PPP3R1: variants seen among roughly 807,000 people sequenced by gnomAD.
PPP3R1 encodes calcineurin subunit B type 1.
A neutral mutation model predicts 22.6 loss-of-function variants in PPP3R1; 5 were observed. The observed-to-expected ratio is 0.22, with a 90% CI of 0.12 to 0.46. PPP3R1 has a LOEUF of 0.46. Among genes scored for constraint, PPP3R1 ranks in the 20% least tolerant of loss-of-function variants. PPP3R1 has a pLI of 0.99. For synonymous variants in PPP3R1, 56 were observed against 65.2 expected (o/e 0.86, Z 0.68); for missense variants, 61 against 203.2 (o/e 0.30, Z 4.25).
intron 1 of PPP3R1, among the ~76,000 whole-genome samples, chr2:68,231,969 T>A (rs1306995467): frequency 6.6e-6 from 1 of 151,274 alleles, no homozygotes; most frequent in East Asian, 2.0e-4. Flanking sequence ...AATCTTAAGA[T>A]CTTATTTAGG....
At position 68,251,919 on chromosome 2, in the gene PPP3R1, C is replaced by G. The variant is rs1193605224; in HGVS notation, c.3+206G>C. Among the ~76,000 whole-genome samples the G allele has an allele frequency of 8.2e-4, 119 of 144,682 alleles. 2 individuals carry two copies. Among genetic ancestry groups the G allele is most frequent in the Non-Finnish European group, 1.1e-3 (73 of 65,428 alleles). 94.9% of individuals were successfully genotyped at this position (144,682 alleles called of 152,430 possible). A position where few individuals can be genotyped will look rare whatever the true frequency, so the allele number is the denominator to read the frequency against. ...GCGCCCCGCAGAGGCCGGGGGCGGGCGCGGGGGCCCCGCCGCCGTCCTGTC... is the reference window on the plus strand; with the variant it reads ...GCGCCCCGCAGAGGCCGGGGGCGGGGGCGGGGGCCCCGCCGCCGTCCTGTC... On this transcript the variant is annotated intron_variant, in intron 1 of 5. Coordinates refer to ENST00000234310, the MANE Select transcript of PPP3R1 (RefSeq NM_000945.4).
intron 1 of PPP3R1, among the ~76,000 whole-genome samples, chr2:68,244,025 T>C (rs1318502517): frequency 6.6e-6 from 1 of 152,200 alleles, no homozygotes; most frequent in Middle Eastern, 3.2e-3. Context: ...GATCTTTCAA[T>C]ATCATTTGAA....
chr2:68,192,403 T>C (rs890879981), intron 2 of PPP3R1, among the ~76,000 whole-genome samples: 3 of 152,188 alleles, frequency 2.0e-5, no homozygotes, highest in African/African-American at 7.2e-5. Flanking sequence ...TCATTTCTTC[T>C]AGGCTGTATG....
At chr2:68,188,719 A>G in intron 2 of PPP3R1, 29 bp from the exon 3 acceptor site, 3 of 1,535,324 alleles carry the variant, frequency 2.0e-6, no homozygotes, top group South Asian at 2.5e-5. Flanking sequence ...GGAAGCAAGA[A>G]TTTTTTAAAA....
intron 5 of PPP3R1, among the ~76,000 whole-genome samples, chr2:68,181,926 T>C (rs1201892724): frequency 6.6e-6 from 1 of 152,174 alleles, no homozygotes; most frequent in African/African-American, 2.4e-5. Context: ...ATCTGTATCA[T>C]TTGGGGGGAA....
intron 1 of PPP3R1, among the ~76,000 whole-genome samples, chr2:68,244,579 C>T (rs1357223200): frequency 6.6e-6 from 1 of 151,946 alleles, no homozygotes; most frequent in Admixed American, 6.6e-5. Context: ...CTATCCTTTC[C>T]TTTTATCCTC....
At chr2:68,225,275 A>G (rs1669761490) in intron 1 of PPP3R1, among the ~76,000 whole-genome samples, 1 of 152,202 alleles carries the variant, frequency 6.6e-6, no homozygotes, top group Admixed American at 6.5e-5. Context: ...GCCCTTTAAA[A>G]GCAATTTTCC....
At chr2:68,216,086 A>G (rs1212985997) in intron 2 of PPP3R1, among the ~76,000 whole-genome samples, 1 of 152,162 alleles carries the variant, frequency 6.6e-6, no homozygotes, top group Non-Finnish European at 1.5e-5. Flanking sequence ...TGTATTTTTT[A>G]AAGGGATGGC....
At chr2:68,206,567 T>G (rs1675129011) in intron 2 of PPP3R1, among the ~76,000 whole-genome samples, 1 of 152,218 alleles carries the variant, frequency 6.6e-6, no homozygotes, top group African/African-American at 2.4e-5. Context: ...GAGAAATAAC[T>G]ACACAGGTCA....
At chr2:68,228,406 GGT>G (rs900600016) in intron 1 of PPP3R1, among the ~76,000 whole-genome samples, 11 of 152,114 alleles carry the variant, frequency 7.2e-5, no homozygotes, top group African/African-American at 2.7e-4. Context: ...CACTGGAAGA[GGT>G]GTGATAGTTT....
chr2:68,181,049 G>A (rs368218282), intron 5 of PPP3R1, 39 bp from the exon 6 acceptor site: 1 of 1,581,018 alleles, frequency 6.3e-7, no homozygotes, highest in Non-Finnish European at 8.7e-7. Flanking sequence ...CACAGTGTCT[G>A]AGAAACTCCT....
intron 2 of PPP3R1, among the ~76,000 whole-genome samples, chr2:68,212,994 C>G (rs1426330435): frequency 1.3e-5 from 2 of 152,204 alleles, no homozygotes; most frequent in East Asian, 3.8e-4. Flanking sequence ...TGCAGCTTCC[C>G]CATCTCTCTC....
chr2:68,207,658 A>T (rs1010843905), intron 2 of PPP3R1, among the ~76,000 whole-genome samples: 1 of 152,212 alleles, frequency 6.6e-6, no homozygotes, highest in Admixed American at 6.5e-5. Flanking sequence ...TAAAAAATTA[A>T]TGTCCTAGTA....
rs1265649482 is a variant in PPP3R1 at position 68,179,004 on chromosome 2, A to AG, written c.*1958_*1959insC. 7 of 132,300 alleles carry AG rather than the reference A, an allele frequency of 5.3e-5. No individual in the cohort carries two copies. Among genetic ancestry groups the AG allele is most frequent in the African/African-American group, 1.6e-4 (5 of 30,402 alleles). 8.2% of individuals were successfully genotyped at this position (132,300 alleles called of 1,614,324 possible). A position where few individuals can be genotyped will look rare whatever the true frequency, so the allele number is the denominator to read the frequency against. ...ACCCCCACACACAAACTAAAAAAAA[A>AG]AAAAAAAAAAAAGAAAAAGAAAAAA... On this transcript the variant is annotated 3_prime_UTR_variant, in exon 6 of 6. Coordinates refer to ENST00000234310, the MANE Select transcript of PPP3R1 (RefSeq NM_000945.4).
Position 68,209,313 on chromosome 2 carries a change from C to T in PPP3R1, c.43+7779G>A, listed in dbSNP as rs568448127. ...GGCGGAGCTTGCAGTGAGCCGAGAT[C>T]CCGCCACTGCACTCCAGCCTGGGCG... On this transcript the variant is annotated intron_variant, in intron 2 of 5. Coordinates refer to ENST00000234310, the MANE Select transcript of PPP3R1 (RefSeq NM_000945.4). Among the ~76,000 whole-genome samples the T allele has an allele frequency of 2.6e-4, 31 of 120,640 alleles. No homozygotes were observed. In the East Asian group the frequency reaches 5.9e-3, roughly 23 times the overall value. 79.1% of individuals were successfully genotyped at this position (120,640 alleles called of 152,430 possible).
At position 68,189,984 on chromosome 2, in the gene PPP3R1, G is replaced by A. The variant is rs189489200; in HGVS notation, c.44-1294C>T. 1.2e-3 allele frequency among the ~76,000 whole-genome samples: 179 copies of A among 152,010 alleles called. 1 individual carries two copies. Among genetic ancestry groups the A allele is most frequent in the Non-Finnish European group, 1.7e-3 (117 of 67,964 alleles). On this transcript the variant is annotated intron_variant, in intron 2 of 5. Transcript: ENST00000234310. ...TATTATGGCCCACAACACTAGAAAA[G>A]AGTACAAATACAAGCTGTTTTGACA... is the stretch of plus-strand genomic sequence containing the variant.
At chr2:68,236,577 T>C (rs1011944180) in intron 1 of PPP3R1, among the ~76,000 whole-genome samples, 4 of 152,064 alleles carry the variant, frequency 2.6e-5, no homozygotes, top group African/African-American at 9.7e-5. Flanking sequence ...AATGACAACA[T>C]GAGGGGATAG....
intron 2 of PPP3R1, among the ~76,000 whole-genome samples, chr2:68,190,606 T>C (rs936680638): frequency 3.3e-5 from 5 of 152,004 alleles, no homozygotes; most frequent in African/African-American, 1.2e-4. Flanking sequence ...TATGAAGACC[T>C]TAAGAAAACA....
Position 68,252,445 on chromosome 2 carries a change from GA to G in PPP3R1, c.-319del, listed in dbSNP as rs1670390521. 1 of 990,828 alleles carries G rather than the reference GA, an allele frequency of 1.0e-6. No individual in the cohort carries two copies. The highest frequency in any genetic ancestry group is 6.1e-5 in the Admixed American group (1 of 16,374). 61.4% of individuals were successfully genotyped at this position (990,828 alleles called of 1,614,324 possible). A position where few individuals can be genotyped will look rare whatever the true frequency, so the allele number is the denominator to read the frequency against. ...GGGGAGAGGGGGCGAAGACGGCCGG[GA>G]AACTCGGGGGCTGCAGCCTCGCGCT... On this transcript the variant is annotated 5_prime_UTR_variant, in exon 1 of 6. Transcript: ENST00000234310.
Sources: gnomAD v4.1 joint callset for allele counts (sites outside exome capture counted in the v4.1 genomes callset) on GRCh38, gnomAD v4.1.1 for gene constraint, MANE v1.5 for transcripts, NCBI Gene and HGNC (gene_info 2026-07-23, HGNC 2026-07-21) for gene names.